Variants in SDR42E1 observed in about 807,000 individuals in gnomAD.
SDR42E1 encodes the protein short-chain dehydrogenase/reductase family 42E member 1.
Under a neutral mutation model 2.6 loss-of-function variants are expected in SDR42E1, and 5 were observed. The ratio of observed to expected loss-of-function variants is 1.94; its 90% CI spans 1.01 to 4.08. SDR42E1 has a LOEUF of 4.08. SDR42E1 is among the 30% of genes most tolerant of loss of function. The pLI is 0.00. For missense variants in SDR42E1, 596 were observed against 478.6 expected, an observed-to-expected ratio of 1.25 and a Z score of -2.29; for synonymous variants, 231 against 188.3, an observed-to-expected ratio of 1.23 and a Z score of -1.86.
chr16:81,999,416 G>T lies in SDR42E1; in HGVS notation c.877C>A (p.Leu293Ile). 1 of 1,614,176 alleles carries T rather than the reference G, an allele frequency of 6.2e-7. No individual in the cohort carries two copies. The highest frequency in any genetic ancestry group is 2.2e-5 in the East Asian group (1 of 44,888). Residue 293 changes from leucine to isoleucine, a missense_variant, in exon 3 of 3, where the codon CTA becomes ATA. Physicochemically the swap from Leu to Ile is conservative, Grantham distance 5 (BLOSUM62 2). Coordinates refer to ENST00000328945, the MANE Select transcript of SDR42E1 (RefSeq NM_145168.3). ...PLTLVYCFAF[L>I]TEMVHFILGR... Reference sequence around the variant, plus strand: ...AAAATGAAGTGAACCATCTCTGTTAGAAAAGCAAAGCAGTAGACCAAGGTC... The same window carrying T: ...AAAATGAAGTGAACCATCTCTGTTATAAAAGCAAAGCAGTAGACCAAGGTC...
chr16:82,000,391 T>G (rs1245349386), intron 2 of SDR42E1, 167 bp from the exon 3 acceptor site: 2 of 840,222 alleles, frequency 2.4e-6, no homozygotes, highest in Non-Finnish European at 3.9e-6. Context: ...TTCTTCAAAT[T>G]TTCAAAAGTG....
In SDR42E1 at chr16:81,997,719, G is replaced by C. The variant is rs1912576991; in HGVS notation, c.*1392C>G. 1.3e-5 allele frequency: 2 copies of C among 152,156 alleles called. No individual in the cohort carries two copies. The highest frequency in any genetic ancestry group is 2.4e-5 in the African/African-American group (1 of 41,430). 9.4% of individuals were successfully genotyped at this position (152,156 alleles called of 1,614,324 possible). On this transcript the variant is annotated 3_prime_UTR_variant, in exon 3 of 3. Transcript: ENST00000328945. Reference sequence around the variant, plus strand: ...CTTTATGCTCCCAGTGAACCCTATGGGGTGGGTGGGTTTATACAAAGGGCA... The same window carrying C: ...CTTTATGCTCCCAGTGAACCCTATGCGGTGGGTGGGTTTATACAAAGGGCA...
At chr16:82,003,597 T>C (rs1912840777) in intron 1 of SDR42E1, among the ~76,000 whole-genome samples, 1 of 152,198 alleles carries the variant, frequency 6.6e-6, no homozygotes, top group Admixed American at 6.5e-5. Flanking sequence ...ACACATCGTA[T>C]ACTAGGTCCT....
rs945321161 is a variant in SDR42E1 at position 81,995,867 on chromosome 16, G to C, written c.*3244C>G. The C allele has an allele frequency of 6.6e-6, 1 of 152,212 alleles. No individual in the cohort carries two copies. The highest frequency in any genetic ancestry group is 2.4e-5 in the African/African-American group (1 of 41,452). 9.4% of individuals were successfully genotyped at this position (152,212 alleles called of 1,614,324 possible). A position where few individuals can be genotyped will look rare whatever the true frequency, so the allele number is the denominator to read the frequency against. On this transcript the variant is annotated 3_prime_UTR_variant, in exon 3 of 3. Coordinates refer to ENST00000328945, the MANE Select transcript of SDR42E1 (RefSeq NM_145168.3). ...TACAGTTATGAGCAATGCTATAAAA[G>C]AAAGGCAGGAAGCTATGACAGGCCT...
chr16:82,004,116 G>C (rs1912856323), intron 1 of SDR42E1, among the ~76,000 whole-genome samples: 1 of 152,108 alleles, frequency 6.6e-6, no homozygotes, highest in South Asian at 2.1e-4. Context: ...GGCTTCTACA[G>C]ATACCAAAAG....
rs945784621 is a variant in SDR42E1 at position 81,999,487 on chromosome 16, A to T, written c.806T>A (p.Leu269Gln). Reference sequence around the variant, plus strand: ...GAATGTGTAGCCCAGGCCCTCAACCAGAGGCCGGAAGAACTCAAAGTTGTT... The same window carrying T: ...GAATGTGTAGCCCAGGCCCTCAACCTGAGGCCGGAAGAACTCAAAGTTGTT... ...PVNNFEFFRPLVEGLGYTFPS... is the reference protein window; with the variant it reads ...PVNNFEFFRPQVEGLGYTFPS... The change falls in exon 3 of 3, where the codon CTG becomes CAG. Residue 269 changes from leucine to glutamine, a missense_variant. Coordinates refer to ENST00000328945, the MANE Select transcript of SDR42E1 (RefSeq NM_145168.3). 1 of 1,614,088 alleles carries T rather than the reference A, an allele frequency of 6.2e-7. No homozygotes were observed. The highest frequency in any genetic ancestry group is 1.3e-5 in the African/African-American group (1 of 74,934).
chr16:81,994,828 C>T lies in SDR42E1; in HGVS notation c.*4283G>A, dbSNP rs562933719. ...GCAGCCCCAACAATCTACGACAAAG[C>T]AACACTTGCCTCTTTTATACACCAT... is the stretch of plus-strand genomic sequence containing the variant. On this transcript the variant is annotated 3_prime_UTR_variant, in exon 3 of 3. Coordinates refer to ENST00000328945, the MANE Select transcript of SDR42E1 (RefSeq NM_145168.3). 1 of 152,302 alleles carries T rather than the reference C, an allele frequency of 6.6e-6. No homozygotes were observed. The highest frequency in any genetic ancestry group is 1.5e-5 in the Non-Finnish European group (1 of 68,024). 9.4% of individuals were successfully genotyped at this position (152,302 alleles called of 1,614,324 possible).
chr16:82,007,941 C>G (rs1361389368), intron 1 of SDR42E1: 1 of 152,158 alleles, frequency 6.6e-6, no homozygotes, highest in Admixed American at 6.5e-5. Flanking sequence ...ATGGTTTGGC[C>G]GTGTCTCCAC....
chr16:82,000,949 A>C, intron 1 of SDR42E1, 65 bp from the exon 2 acceptor site: 1 of 1,181,958 alleles, frequency 8.5e-7, no homozygotes, highest in Non-Finnish European at 1.2e-6. Context: ...CCTAATTTTG[A>C]CCTAACAAAA....
In SDR42E1 at chr16:81,996,726, G is replaced by C. The variant is rs904615933; in HGVS notation, c.*2385C>G. 2 of 152,178 alleles carry C rather than the reference G, an allele frequency of 1.3e-5. No homozygotes were observed. Among genetic ancestry groups the C allele is most frequent in the Non-Finnish European group, 1.5e-5 (1 of 68,034 alleles). 9.4% of individuals were successfully genotyped at this position (152,178 alleles called of 1,614,324 possible). A position where few individuals can be genotyped will look rare whatever the true frequency, so the allele number is the denominator to read the frequency against. On this transcript the variant is annotated 3_prime_UTR_variant, in exon 3 of 3. Coordinates refer to ENST00000328945, the MANE Select transcript of SDR42E1 (RefSeq NM_145168.3). Reference sequence around the variant, plus strand: ...AGAACAGGGCCAAGGAATGAGCACTGAGAAAATCTACCATTTCAAGCTGGA... The same window carrying C: ...AGAACAGGGCCAAGGAATGAGCACTCAGAAAATCTACCATTTCAAGCTGGA...
intron 1 of SDR42E1, among the ~76,000 whole-genome samples, chr16:82,009,332 T>C (rs1913050422): frequency 6.6e-6 from 1 of 152,188 alleles, no homozygotes; most frequent in Non-Finnish European, 1.5e-5. Flanking sequence ...GCTTGCACCG[T>C]ACACCTAGAA....
intron 1 of SDR42E1, among the ~76,000 whole-genome samples, chr16:82,008,292 T>C (rs956413484): frequency 6.6e-6 from 1 of 152,222 alleles, no homozygotes; most frequent in Admixed American, 6.5e-5. Flanking sequence ...TACAGTAAAT[T>C]GGCACTGGGT....
Position 81,999,727 on chromosome 16 carries a change from T to C in SDR42E1, c.566A>G (p.Tyr189Cys), listed in dbSNP as rs201095410. 36 of 1,614,170 alleles carry C rather than the reference T, an allele frequency of 2.2e-5. No homozygotes were observed. The Middle Eastern group carries it at 4.9e-4, about 22-fold the overall frequency. ...AAGGTGTCTTTGTTCTCCAGGCCCATAGATGCCAGCTGGCCTCAGAGCGCA... is the reference window on the plus strand; with the variant it reads ...AAGGTGTCTTTGTTCTCCAGGCCCACAGATGCCAGCTGGCCTCAGAGCGCA... ...RTCALRPAGI[Y>C]GPGEQRHLPR... Residue 189 changes from tyrosine (Y) to cysteine (C), a missense_variant, in exon 3 of 3, where the codon TAT (tyrosine) becomes TGT (cysteine). By Grantham distance (194) the Tyr-to-Cys change is radical. Transcript: ENST00000328945.
rs1488443224 is a variant in SDR42E1 at position 81,999,932 on chromosome 16, T to C, written c.361A>G (p.Thr121Ala). The C allele has an allele frequency of 4.3e-6, 7 of 1,614,126 alleles. No homozygotes were observed. Among genetic ancestry groups the C allele is most frequent in the Non-Finnish European group, 5.1e-6 (6 of 1,180,062 alleles). ...CCAAAGATGACATTGAAAGTGCTGG[T>C]GTAAACTAACCTGGGCACCCTTCTC... Reference protein sequence around the residue: ...QRRRVPRLVYTSTFNVIFGGQ... With the variant: ...QRRRVPRLVYASTFNVIFGGQ... Residue 121 changes from threonine (T) to alanine (A), a missense_variant, in exon 3 of 3, where the codon ACC becomes GCC. By Grantham distance (58) the Thr-to-Ala change is moderately conservative. Transcript: ENST00000328945.
At chr16:82,007,028 C>T (rs146186856) in intron 1 of SDR42E1, among the ~76,000 whole-genome samples, 1 of 152,320 alleles carries the variant, frequency 6.6e-6, no homozygotes, top group African/African-American at 2.4e-5. Flanking sequence ...GGCACAAGTG[C>T]CTTGCAATTC....
intron 1 of SDR42E1, among the ~76,000 whole-genome samples, chr16:82,009,549 T>C (rs1356352749): frequency 6.6e-6 from 1 of 152,258 alleles, no homozygotes; most frequent in Non-Finnish European, 1.5e-5. Context: ...ATGGGGCCTG[T>C]AGCCCCTTCG....
At position 81,999,531 on chromosome 16, in the gene SDR42E1, G is replaced by T. The variant is rs754907736; in HGVS notation, c.762C>A (p.Ile254=). The T allele has an allele frequency of 6.2e-6, 10 of 1,614,224 alleles. No individual in the cohort carries two copies. The Admixed American group carries it at 1.7e-4, about 27-fold the overall frequency. Residue 254 remains isoleucine, a synonymous_variant, in exon 3 of 3, where the codon ATC becomes ATA. Coordinates refer to ENST00000328945, the MANE Select transcript of SDR42E1 (RefSeq NM_145168.3). ...GHIASGQPYF[I]SDGRPVNNFE... ...AGTTGTTCACGGGTCTGCCATCTGA[G>T]ATGAAGTAGGGCTGCCCAGAGGCAA...
intron 1 of SDR42E1, among the ~76,000 whole-genome samples, chr16:82,005,061 G>A (rs1298473306): frequency 1.3e-5 from 2 of 152,202 alleles, no homozygotes; most frequent in Non-Finnish European, 2.9e-5. Context: ...AAGGAATTCT[G>A]AAAATGGACA....
At chr16:82,007,550 A>G (rs770260390) in intron 1 of SDR42E1, 12 of 152,218 alleles carry the variant, frequency 7.9e-5, no homozygotes, top group South Asian at 2.1e-4. Context: ...ATCTGTACCA[A>G]TAACCCAGGT....
Sources: gnomAD v4.1 joint callset for allele counts (sites outside exome capture counted in the v4.1 genomes callset) on GRCh38, gnomAD v4.1.1 for gene constraint, MANE v1.5 for transcripts, NCBI Gene and HGNC (gene_info 2026-07-23, HGNC 2026-07-21) for gene names.